PTPRN2: variants seen among roughly 807,000 people sequenced by gnomAD.
PTPRN2 encodes protein tyrosine phosphatase receptor type N2, also known as receptor-type tyrosine-protein phosphatase N2.
A neutral mutation model predicts 118.8 loss-of-function variants in PTPRN2; 74 were observed. The ratio of observed to expected loss-of-function variants is 0.62; its 90% CI spans 0.52 to 0.76. The LOEUF is 0.76. Ranked by LOEUF, PTPRN2 falls within the 30% of genes least tolerant of loss-of-function variation. PTPRN2 has a pLI of 0.00. For synonymous variants in PTPRN2, 641 were observed against 608.0 expected, an observed-to-expected ratio of 1.05 and a Z score of -0.80; for missense variants, 1,481 against 1,394.4, an observed-to-expected ratio of 1.06 and a Z score of -0.99.
intron 4 of PTPRN2, among the ~76,000 whole-genome samples, chr7:158,196,934 A>G (rs1194921931): frequency 2.0e-5 from 3 of 152,166 alleles, no homozygotes; most frequent in Non-Finnish European, 4.4e-5. Flanking sequence ...GAGCTCCACA[A>G]TGAGGGATAT....
chr7:158,211,206 A>G (rs1482748258), intron 3 of PTPRN2, among the ~76,000 whole-genome samples: 1 of 152,196 alleles, frequency 6.6e-6, no homozygotes, highest in African/African-American at 2.4e-5. Flanking sequence ...TAAGACCTCA[A>G]ACTATGAAAC....
intron 12 of PTPRN2, among the ~76,000 whole-genome samples, chr7:157,731,551 T>TCC (rs1799913176): frequency 1.1e-4 from 9 of 84,372 alleles, no homozygotes; most frequent in Non-Finnish European, 1.9e-4. Flanking sequence ...CAGTTACCCT[T>TCC]TCCCGTCCCA....
intron 6 of PTPRN2, among the ~76,000 whole-genome samples, chr7:158,149,301 C>T (rs534696931): frequency 6.6e-6 from 1 of 152,156 alleles, no homozygotes; most frequent in African/African-American, 2.4e-5. Flanking sequence ...AAAGCAATGT[C>T]ATCAATGTGT....
intron 12 of PTPRN2, among the ~76,000 whole-genome samples, chr7:157,824,828 G>A (rs913838099): frequency 5.9e-5 from 9 of 152,206 alleles, no homozygotes; most frequent in African/African-American, 9.6e-5. Context: ...CCTGTTTCCC[G>A]TGAGGCAGAA....
rs1291581923 is a variant in PTPRN2 at position 158,093,441 on chromosome 7, T to C, written c.1644-12064A>G. ...CCGACCCCCACACTGTTTGTGCTTT[T>C]ACTCCCTGAATTGTTCCTGATGATA... On this transcript the variant is annotated intron_variant, in intron 10 of 22. Coordinates refer to ENST00000389418, the MANE Select transcript of PTPRN2 (RefSeq NM_002847.5). This position sits in a 1 kb window ranked among gnomAD's most constrained non-coding sequence, Gnocchi z 4.4. 6.6e-6 allele frequency among the ~76,000 whole-genome samples: 1 copy of C among 152,242 alleles called. No homozygotes were observed. Among genetic ancestry groups the C allele is most frequent in the Admixed American group, 6.5e-5 (1 of 15,290 alleles).
At chr7:158,319,396 T>TCCC (rs1252408057) in intron 2 of PTPRN2, among the ~76,000 whole-genome samples, 18 of 42,192 alleles carry the variant, frequency 4.3e-4, no homozygotes, top group African/African-American at 8.5e-4. Context: ...ACACACAGCC[T>TCCC]CCCACACACA....
At chr7:157,840,123 G>A (rs1490122179) in intron 12 of PTPRN2, among the ~76,000 whole-genome samples, 3 of 150,570 alleles carry the variant, frequency 2.0e-5, no homozygotes, top group African/African-American at 4.9e-5. Flanking sequence ...GTGTGACTGT[G>A]ACTGTGTGGC....
At chr7:157,606,296 G>A (rs1801997643) in intron 15 of PTPRN2, among the ~76,000 whole-genome samples, 14 of 152,232 alleles carry the variant, frequency 9.2e-5, no homozygotes, top group Admixed American at 9.2e-4. Context: ...AGTGTGCAGG[G>A]CTGCCTGGGT....
At chr7:157,975,075 T>A (rs1802640685) in intron 11 of PTPRN2, among the ~76,000 whole-genome samples, 1 of 152,156 alleles carries the variant, frequency 6.6e-6, no homozygotes. Context: ...CCTGCCTCCA[T>A]CAGCAGGGTG....
At chr7:157,579,754 G>A (rs1473646312) in intron 17 of PTPRN2, among the ~76,000 whole-genome samples, 3 of 152,206 alleles carry the variant, frequency 2.0e-5, no homozygotes, top group African/African-American at 7.2e-5. Context: ...AATCCCAAAG[G>A]CGCTCTGGGG....
intron 1 of PTPRN2, among the ~76,000 whole-genome samples, chr7:158,535,088 ATG>A (rs1825568657): frequency 6.6e-6 from 1 of 152,164 alleles, no homozygotes; most frequent in Non-Finnish European, 1.5e-5. Context: ...CAGCCTGGGA[ATG>A]TCAGATTCTC....
intron 3 of PTPRN2, among the ~76,000 whole-genome samples, chr7:158,305,639 G>A (rs1801225881): frequency 6.6e-6 from 1 of 152,150 alleles, no homozygotes; most frequent in Non-Finnish European, 1.5e-5. Context: ...GCAGCCTTAG[G>A]AAGTAGCTGT....
At chr7:157,664,206 G>A (rs192930174) in intron 13 of PTPRN2, among the ~76,000 whole-genome samples, 15 of 152,370 alleles carry the variant, frequency 9.8e-5, no homozygotes, top group African/African-American at 2.6e-4. Context: ...GAACGGAGGC[G>A]TGAGCTTGCT....
intron 12 of PTPRN2, among the ~76,000 whole-genome samples, chr7:157,820,495 C>T (rs1806759845): frequency 7.0e-6 from 1 of 143,780 alleles, no homozygotes. Context: ...GCACTCACAG[C>T]AGATCCAACA....
intron 2 of PTPRN2, among the ~76,000 whole-genome samples, chr7:158,389,454 T>C (rs1490459256): frequency 6.6e-6 from 1 of 152,236 alleles, no homozygotes; most frequent in East Asian, 1.9e-4. Flanking sequence ...CCTCTGGTCA[T>C]TGAAGAATGA....
intron 6 of PTPRN2, among the ~76,000 whole-genome samples, chr7:158,155,664 TCACCAGTGC>T (rs1563529588): frequency 3.8e-5 from 3 of 79,768 alleles, no homozygotes; most frequent in Non-Finnish European, 7.8e-5. Flanking sequence ...ATCATCACCA[TCACCAGTGC>T]CATCATCACC....
intron 12 of PTPRN2, among the ~76,000 whole-genome samples, chr7:157,697,876 GCATACTGGGTCTTGGCAGAGCCCTCACCA>G (rs1797882773): frequency 6.7e-6 from 1 of 149,962 alleles, no homozygotes; most frequent in African/African-American, 2.5e-5. Flanking sequence ...ATCTACTCAT[GCATACTGGGTCTTGGCAGAGCCCTCACCA>G]TCTACTCATG....
chr7:158,051,466 C>A (rs1379867509), intron 11 of PTPRN2, among the ~76,000 whole-genome samples: 1 of 152,234 alleles, frequency 6.6e-6, no homozygotes, highest in Non-Finnish European at 1.5e-5. Context: ...GCCTCACATA[C>A]CCTCCCTGTG....
chr7:157,752,878 C>G (rs1271378735), intron 12 of PTPRN2, among the ~76,000 whole-genome samples: 1 of 152,262 alleles, frequency 6.6e-6, no homozygotes, highest in Non-Finnish European at 1.5e-5. Context: ...CTCGCAGCAG[C>G]CACGCCGCCT....
Sources: gnomAD v4.1 joint callset for allele counts (sites outside exome capture counted in the v4.1 genomes callset) on GRCh38, gnomAD v4.1.1 for gene constraint, Gnocchi (gnomAD v3.1) non-coding constraint, MANE v1.5 for transcripts, NCBI Gene and HGNC (gene_info 2026-07-23, HGNC 2026-07-21) for gene names.